Variants in GLRA2 observed in about 807,000 individuals in gnomAD.
GLRA2 encodes the protein glycine receptor alpha 2.
Under a neutral mutation model 31.6 loss-of-function variants are expected in GLRA2, and 11 were observed. The ratio of observed to expected loss-of-function variants is 0.35; its 90% confidence interval spans 0.22 to 0.58. The LOEUF (loss-of-function observed/expected upper bound fraction) is 0.58, where lower values mean the gene tolerates loss of function less well. Among genes scored for constraint, GLRA2 ranks in the 20% least tolerant of loss-of-function variants. The pLI is 0.84. For synonymous variants in GLRA2, 132 were observed against 134.0 expected (o/e 0.99, Z 0.10); for missense variants, 212 against 351.8 (o/e 0.60, Z 3.18).
At chrX:14,469,752 G>A in the GLRA2 span, among the ~76,000 whole-genome samples, 1 of 103,313 alleles carries the variant, frequency 9.7e-6, no homozygotes, top group Admixed American at 1.1e-4. Context: ...GCTAAATGAC[G>A]AGTTAATGGG....
chrX:14,575,640 T>A (rs747307102), intron 3 of GLRA2, among the ~76,000 whole-genome samples: 1 of 101,201 alleles, frequency 9.9e-6, no homozygotes, highest in African/African-American at 3.8e-5. Context: ...TAAAAAAAAA[T>A]TGTGGAGACA....
intron 7 of GLRA2, among the ~76,000 whole-genome samples, chrX:14,625,329 C>T (rs752724761): frequency 2.9e-4 from 32 of 111,032 alleles, no homozygotes; most frequent in African/African-American, 8.5e-4. Context: ...TTTTAATTGG[C>T]GCATTTAGCC....
At chrX:14,636,418 TTATCTC>T (rs1257819804) in intron 7 of GLRA2, among the ~76,000 whole-genome samples, 2 of 111,488 alleles carry the variant, frequency 1.8e-5, no homozygotes, top group Non-Finnish European at 3.8e-5. Flanking sequence ...GAAGGGCACT[TTATCTC>T]TGTGGTCTTC....
At chrX:14,455,425 G>A in the GLRA2 span, among the ~76,000 whole-genome samples, 1 of 111,562 alleles carries the variant, frequency 9.0e-6, no homozygotes. Context: ...TATTCAGTGA[G>A]CAATATGGTA....
intron 2 of GLRA2, among the ~76,000 whole-genome samples, chrX:14,556,500 A>G (rs1288502675): frequency 8.9e-6 from 1 of 112,024 alleles, no homozygotes; most frequent in African/African-American, 3.2e-5. Context: ...TTTTCCAGCA[A>G]TTCTTTGATG....
chrX:14,581,504 T>C, intron 4 of GLRA2, 98 bp downstream of exon 4: 7 of 515,017 alleles, frequency 1.4e-5, no homozygotes, highest in Non-Finnish European at 2.3e-5. Flanking sequence ...ATATTTGACT[T>C]TTGTGGTTTC....
chrX:14,486,220 T>A, the GLRA2 span, among the ~76,000 whole-genome samples: 1 of 111,610 alleles, frequency 9.0e-6, no homozygotes, highest in Non-Finnish European at 1.9e-5. Flanking sequence ...ATGGAATTTG[T>A]ATCCCCATCT....
At chrX:14,496,142 G>A in the GLRA2 span, among the ~76,000 whole-genome samples, 2 of 111,100 alleles carry the variant, frequency 1.8e-5, no homozygotes, top group Non-Finnish European at 3.8e-5. Context: ...GTAGGTGAGG[G>A]GAAGGAACTT....
At chrX:14,482,040 G>T in the GLRA2 span, among the ~76,000 whole-genome samples, 1 of 111,789 alleles carries the variant, frequency 8.9e-6, no homozygotes, top group Non-Finnish European at 1.9e-5. Flanking sequence ...ACACATTCCA[G>T]ATTTTTCAAA....
chrX:14,549,910 CA>C (rs1207242209), intron 2 of GLRA2, among the ~76,000 whole-genome samples: 1 of 111,281 alleles, frequency 9.0e-6, no homozygotes, highest in African/African-American at 3.3e-5. Context: ...ACAAGGGATA[CA>C]GAGAAAGAGT....
At chrX:14,525,547 T>C (rs1358405148), upstream of GLRA2, among the ~76,000 whole-genome samples, 1 of 111,741 alleles carries the variant, frequency 8.9e-6, no homozygotes, top group Admixed American at 9.6e-5. Context: ...ATGTAACATA[T>C]GTGTTTATGT....
At chrX:14,617,832 G>A (rs1430271301) in intron 7 of GLRA2, among the ~76,000 whole-genome samples, 4 of 111,759 alleles carry the variant, frequency 3.6e-5, no homozygotes, top group South Asian at 3.7e-4. Context: ...CTACATCTTG[G>A]GGTAGTTTGT....
intron 2 of GLRA2, among the ~76,000 whole-genome samples, chrX:14,544,821 A>T (rs1396437061): frequency 9.0e-6 from 1 of 111,566 alleles, no homozygotes; most frequent in Admixed American, 9.5e-5. Flanking sequence ...ATACTTTTAA[A>T]TTACTAGTTC....
At chrX:14,567,046 C>G (rs1233586365) in intron 2 of GLRA2, among the ~76,000 whole-genome samples, 1 of 111,597 alleles carries the variant, frequency 9.0e-6, no homozygotes, top group Non-Finnish European at 1.9e-5. Context: ...TGACCCCTGA[C>G]AGTGAGGCAG....
At chrX:14,629,567 A>C (rs2090622452) in intron 7 of GLRA2, among the ~76,000 whole-genome samples, 1 of 111,260 alleles carries the variant, frequency 9.0e-6, no homozygotes, top group African/African-American at 3.3e-5. Flanking sequence ...TTTTAAATTG[A>C]GATGTTTAGA....
intron 2 of GLRA2, among the ~76,000 whole-genome samples, chrX:14,537,663 C>T (rs891231587): frequency 9.0e-6 from 1 of 110,913 alleles, no homozygotes; most frequent in East Asian, 2.8e-4. Context: ...ATTAAAACTA[C>T]TTGATGGAAA....
the GLRA2 span, among the ~76,000 whole-genome samples, chrX:14,453,918 T>C: frequency 4.5e-5 from 5 of 111,819 alleles, no homozygotes; most frequent in Admixed American, 9.5e-5. Flanking sequence ...AGAATTATGC[T>C]GAGTGAAAGA....
At chrX:14,694,396 A>G (rs2091410458) in intron 8 of GLRA2, among the ~76,000 whole-genome samples, 1 of 112,217 alleles carries the variant, frequency 8.9e-6, no homozygotes, top group Non-Finnish European at 1.9e-5. Flanking sequence ...ATAGTAGAGA[A>G]TGAGAGGGAC....
At chrX:14,527,776 C>G (rs2089197998), upstream of GLRA2, among the ~76,000 whole-genome samples, 1 of 111,494 alleles carries the variant, frequency 9.0e-6, no homozygotes, top group African/African-American at 3.3e-5. Context: ...CCATGTAGAA[C>G]CAATTGAAGA....
Sources: gnomAD v4.1 joint callset for allele counts (sites outside exome capture counted in the v4.1 genomes callset) on GRCh38, gnomAD v4.1.1 for gene constraint, MANE v1.5 for transcripts, NCBI Gene and HGNC (gene_info 2026-07-23, HGNC 2026-07-21) for gene names.